The following CDK5RAP2 variants were observed in gnomAD, a reference collection of about 807,000 sequenced individuals.
The protein encoded by CDK5RAP2 is CDK5 regulatory subunit-associated protein 2.
CDK5RAP2 carries 147 observed loss-of-function variants against 232.9 expected under a neutral mutation model. That is an observed-to-expected ratio of 0.63 (90% CI 0.55 to 0.72). The LOEUF (loss-of-function observed/expected upper bound fraction) is 0.72. CDK5RAP2 is among the 30% of genes least tolerant of loss of function. The pLI, the probability that CDK5RAP2 is intolerant of heterozygous loss-of-function variation, is 0.00. For synonymous variants in CDK5RAP2, 833 were observed against 833.7 expected (o/e 1.00, Z 0.01); for missense variants, 2,195 against 2,231.5 (o/e 0.98, Z 0.33).
chr9:120,513,046 A>G (rs2131801988), intron 12 of CDK5RAP2, among the ~76,000 whole-genome samples: 1 of 152,146 alleles, frequency 6.6e-6, no homozygotes, highest in East Asian at 1.9e-4. Flanking sequence ...ATGCAGCAAA[A>G]TTTGAGTAAA....
chr9:120,476,066 TAGG>T (rs2037991413), intron 15 of CDK5RAP2, among the ~76,000 whole-genome samples: 1 of 151,290 alleles, frequency 6.6e-6, no homozygotes, highest in Admixed American at 6.6e-5. Flanking sequence ...AATAGAAGGG[TAGG>T]AAACACAGGT....
Position 120,477,384 on chromosome 9 carries a change from T to C in CDK5RAP2, c.1693A>G (p.Thr565Ala). Residue 565 changes from threonine to alanine, a missense_variant, in exon 15 of 38, where the codon ACC becomes GCC. Thr to Ala is a moderately conservative substitution (Grantham distance 58). Transcript: ENST00000349780. The stretch of plus-strand genomic sequence containing the variant: ...TCCTGCAGAGATTTGACCAGATGGG[T>C]ATAGATGTCCTGCTCTTTCTTTAAG... ...QVLKKEQDIY[T>A]HLVKSLQESD... The C allele has an allele frequency of 1.2e-6, 2 of 1,613,938 alleles. No individual in the cohort carries two copies. Among genetic ancestry groups the C allele is most frequent in the South Asian group, 2.2e-5 (2 of 91,082 alleles).
At chr9:120,505,379 C>T (rs1011519659) in intron 12 of CDK5RAP2, among the ~76,000 whole-genome samples, 6 of 152,140 alleles carry the variant, frequency 3.9e-5, no homozygotes, top group Non-Finnish European at 8.8e-5. Context: ...CACCAACTGG[C>T]CATTCCCTGT....
At chr9:120,496,675 C>A (rs1335697891) in intron 12 of CDK5RAP2, among the ~76,000 whole-genome samples, 1 of 131,276 alleles carries the variant, frequency 7.6e-6, no homozygotes, top group African/African-American at 3.1e-5. Context: ...CCGCCCCGTC[C>A]GGGAGGGAGG....
intron 21 of CDK5RAP2, among the ~76,000 whole-genome samples, chr9:120,452,166 G>A (rs927686310): frequency 4.0e-5 from 6 of 151,514 alleles, no homozygotes; most frequent in African/African-American, 1.5e-4. Flanking sequence ...AAGGAGCTGG[G>A]GCAGATGAGA....
intron 25 of CDK5RAP2, among the ~76,000 whole-genome samples, chr9:120,433,504 G>A (rs1300553477): frequency 2.0e-5 from 3 of 152,224 alleles, no homozygotes; most frequent in Non-Finnish European, 4.4e-5. Context: ...AAGGAATTAA[G>A]TAAATTTCCC....
chr9:120,421,695 C>A (rs1403468806), intron 26 of CDK5RAP2, among the ~76,000 whole-genome samples: 1 of 152,184 alleles, frequency 6.6e-6, no homozygotes, highest in African/African-American at 2.4e-5. Flanking sequence ...TAGACACAAG[C>A]TAAGAAATTA....
At chr9:120,577,543 T>A (rs1326451582) in intron 1 of CDK5RAP2, among the ~76,000 whole-genome samples, 2 of 152,178 alleles carry the variant, frequency 1.3e-5, no homozygotes, top group African/African-American at 4.8e-5. Flanking sequence ...TTAATACAAC[T>A]GAACCATGCT....
At chr9:120,469,756 T>C (rs937152284) in intron 17 of CDK5RAP2, among the ~76,000 whole-genome samples, 8 of 152,178 alleles carry the variant, frequency 5.3e-5, no homozygotes, top group Admixed American at 3.3e-4. Context: ...CAAGGAAATA[T>C]AGACAAATAA....
At chr9:120,460,178 C>T (rs1408743499) in intron 19 of CDK5RAP2, among the ~76,000 whole-genome samples, 1 of 152,146 alleles carries the variant, frequency 6.6e-6, no homozygotes, top group Non-Finnish European at 1.5e-5. Flanking sequence ...AGTCCAGAAA[C>T]AAGGGTTCTT....
chr9:120,389,981 C>G (rs1025527781), intron 36 of CDK5RAP2, 194 bp from the exon 37 acceptor site: 1 of 625,024 alleles, frequency 1.6e-6, no homozygotes, highest in African/African-American at 1.8e-5. Context: ...GGCCAAATAA[C>G]GCATCAACAA....
At chr9:120,546,408 T>C (rs1427564953) in intron 4 of CDK5RAP2, among the ~76,000 whole-genome samples, 1 of 151,958 alleles carries the variant, frequency 6.6e-6, no homozygotes, top group Non-Finnish European at 1.5e-5. Context: ...ACAAAGGGAG[T>C]TGCACACAGC....
At position 120,521,647 on chromosome 9, in the gene CDK5RAP2, T is replaced by C. The variant is rs958260658; in HGVS notation, c.1093-3002A>G. Reference sequence around the variant, plus strand: ...TGAGTCCATTAAACCTCTTTTTCTTTTTTTTTTTTTTTTTTTTTGAGACAG... The same window carrying C: ...TGAGTCCATTAAACCTCTTTTTCTTCTTTTTTTTTTTTTTTTTTGAGACAG... On this transcript the variant is annotated intron_variant, in intron 11 of 37. Transcript: ENST00000349780. Among the ~76,000 whole-genome samples the C allele has an allele frequency of 9.7e-5, 14 of 143,692 alleles. No individual in the cohort carries two copies. In the South Asian group the frequency reaches 3.1e-3, roughly 32 times the overall value. 94.3% of individuals were successfully genotyped at this position (143,692 alleles called of 152,430 possible). A position where few individuals can be genotyped will look rare whatever the true frequency, so the allele number is the denominator to read the frequency against.
At chr9:120,411,538 C>T (rs1388155545) in intron 28 of CDK5RAP2, 64 bp from the exon 29 acceptor site, 1 of 891,492 alleles carries the variant, frequency 1.1e-6, no homozygotes, top group Non-Finnish European at 1.9e-6. Context: ...ACAGAACTTT[C>T]TAGAAAGCAG....
Position 120,389,732 on chromosome 9 carries a change from A to G in CDK5RAP2, c.5625+9T>C, listed in dbSNP as rs759728391. ...ACTGGCCTGCAGTGAAAAGACTCAA[A>G]GGGCATACCTCCAGGTTTCCTCTGG... On this transcript the variant is annotated intron_variant, in intron 37 of 37. Coordinates refer to ENST00000349780, the MANE Select transcript of CDK5RAP2 (RefSeq NM_018249.6). 2 of 1,613,744 alleles carry G rather than the reference A, an allele frequency of 1.2e-6. No individual in the cohort carries two copies. Among genetic ancestry groups the G allele is most frequent in the Non-Finnish European group, 1.7e-6 (2 of 1,179,624 alleles).
chr9:120,417,642 G>A (rs2034310499), intron 27 of CDK5RAP2, among the ~76,000 whole-genome samples: 1 of 152,166 alleles, frequency 6.6e-6, no homozygotes, highest in Admixed American at 6.5e-5. Flanking sequence ...CAGTTGAACT[G>A]GACACCACTT....
chr9:120,394,425 C>G, intron 36 of CDK5RAP2, 87 bp downstream of exon 36: 1 of 1,605,768 alleles, frequency 6.2e-7, no homozygotes, highest in Non-Finnish European at 8.5e-7. Context: ...ACCATCTGGG[C>G]TCCAAAGTGG....
At chr9:120,459,278 T>C (rs1463424230) in intron 19 of CDK5RAP2, among the ~76,000 whole-genome samples, 1 of 152,188 alleles carries the variant, frequency 6.6e-6, no homozygotes, top group Non-Finnish European at 1.5e-5. Context: ...AAGATGCATC[T>C]AGTTAAAGCC....
At chr9:120,433,986 AC>A (rs2035429666) in intron 25 of CDK5RAP2, among the ~76,000 whole-genome samples, 1 of 152,204 alleles carries the variant, frequency 6.6e-6, no homozygotes, top group Non-Finnish European at 1.5e-5. Context: ...AGATCCATGC[AC>A]CCTTGTAGGG....
Sources: gnomAD v4.1 joint callset for allele counts (sites outside exome capture counted in the v4.1 genomes callset) on GRCh38, gnomAD v4.1.1 for gene constraint, MANE v1.5 for transcripts, NCBI Gene and HGNC (gene_info 2026-07-23, HGNC 2026-07-21) for gene names.